Variants in JARID2 observed in about 807,000 individuals in gnomAD.
JARID2 encodes the protein protein Jumonji.
A neutral mutation model predicts 125.6 loss-of-function variants in JARID2; 21 were observed. That is an observed-to-expected ratio of 0.17 (90% CI 0.12 to 0.24). JARID2 has a LOEUF of 0.24. JARID2 is among the 10% of genes least tolerant of loss of function. The pLI, the probability that JARID2 is intolerant of heterozygous loss-of-function variation, is 1.00. For missense variants in JARID2, 1,303 were observed against 1,639.6 expected (o/e 0.79, Z 3.55); for synonymous variants, 736 against 661.6 (o/e 1.11, Z -1.73).
At chr6:15,423,310 A>T (rs1195516189) in intron 3 of JARID2, among the ~76,000 whole-genome samples, 1 of 152,056 alleles carries the variant, frequency 6.6e-6, no homozygotes, top group African/African-American at 2.4e-5. Context: ...CATCCCAGTC[A>T]TCTGTCATTG....
At chr6:15,401,214 A>G (rs1277551441) in intron 2 of JARID2, among the ~76,000 whole-genome samples, 1 of 151,956 alleles carries the variant, frequency 6.6e-6, no homozygotes, top group African/African-American at 2.4e-5. Context: ...CTTAATATTA[A>G]TATTCTTTTA....
At chr6:15,478,957 G>C (rs576107698) in intron 5 of JARID2, among the ~76,000 whole-genome samples, 1 of 152,198 alleles carries the variant, frequency 6.6e-6, no homozygotes, top group East Asian at 1.9e-4. Context: ...GAGCCACCGT[G>C]CCCGGCCGGA....
chr6:15,501,354 A>G lies in JARID2; in HGVS notation c.2393A>G (p.Lys798Arg). 5 of 1,593,394 alleles carry G rather than the reference A, an allele frequency of 3.1e-6. No homozygotes were observed. The highest frequency in any genetic ancestry group is 2.2e-5 in the East Asian group (1 of 44,562). The change falls in exon 8 of 18, where the codon AAG becomes AGG. Residue 798 changes from lysine to arginine, a missense_variant. Physicochemically the swap from Lys to Arg is conservative, Grantham distance 26. Transcript: ENST00000341776. ...TTCGCTCAGGAAAAAGAAGTGGTCAAGGAAGAGGAGGAGGACAAAGGCGTC... is the reference window on the plus strand; with the variant it reads ...TTCGCTCAGGAAAAAGAAGTGGTCAGGGAAGAGGAGGAGGACAAAGGCGTC... ...RLFAQEKEVV[K>R]EEEEDKGVLN...
At chr6:15,428,001 C>T (rs1470512312) in intron 3 of JARID2, among the ~76,000 whole-genome samples, 2 of 151,890 alleles carry the variant, frequency 1.3e-5, no homozygotes, top group African/African-American at 4.8e-5. Flanking sequence ...TTTCTTCTTA[C>T]TACTGTCGCC....
chr6:15,340,622 C>A (rs1763035654), intron 1 of JARID2, among the ~76,000 whole-genome samples: 1 of 152,152 alleles, frequency 6.6e-6, no homozygotes, highest in African/African-American at 2.4e-5. Context: ...GACTTTTATT[C>A]ATTCATTCCT....
At chr6:15,489,854 C>T (rs942046296) in intron 6 of JARID2, among the ~76,000 whole-genome samples, 31 of 152,222 alleles carry the variant, frequency 2.0e-4, no homozygotes, top group Non-Finnish European at 3.8e-4. Context: ...TCTCCTGTCA[C>T]CCTTTCCCCA....
At chr6:15,477,565 T>A (rs1223162408) in intron 5 of JARID2, among the ~76,000 whole-genome samples, 1 of 151,208 alleles carries the variant, frequency 6.6e-6, no homozygotes, top group African/African-American at 2.4e-5. Context: ...TTATACAATG[T>A]ATGTTTCTAA....
intron 1 of JARID2, among the ~76,000 whole-genome samples, chr6:15,270,233 C>T (rs541342980): frequency 2.6e-5 from 4 of 152,252 alleles, no homozygotes; most frequent in South Asian, 2.1e-4. Context: ...CCTGGGTTCA[C>T]GCGATTCTCC....
chr6:15,289,030 A>G (rs1375124711), intron 1 of JARID2, among the ~76,000 whole-genome samples: 1 of 152,148 alleles, frequency 6.6e-6, no homozygotes, highest in African/African-American at 2.4e-5. Context: ...AGGGAGGAGA[A>G]GTGTCACCAC....
chr6:15,426,073 G>A lies in JARID2; in HGVS notation c.323+15708G>A, dbSNP rs563411220. On this transcript the variant is annotated intron_variant, in intron 3 of 17. Transcript: ENST00000341776. ...GTTTCTGTGAACATGGTAGCTGGGT[G>A]CAGTGCAGTTATAGTAATAACATGA... 2.0e-5 allele frequency among the ~76,000 whole-genome samples: 3 copies of A among 152,326 alleles called. No individual in the cohort carries two copies. In the East Asian group the frequency reaches 5.8e-4, roughly 29 times the overall value.
chr6:15,282,665 C>T (rs536501077), intron 1 of JARID2, among the ~76,000 whole-genome samples: 26 of 152,166 alleles, frequency 1.7e-4, no homozygotes, highest in Admixed American at 5.2e-4. Context: ...AGTGCAATGG[C>T]GAGATCTCAG....
chr6:15,391,432 G>A (rs1157176999), intron 2 of JARID2, among the ~76,000 whole-genome samples: 1 of 152,210 alleles, frequency 6.6e-6, no homozygotes. Flanking sequence ...GGCTAGATCT[G>A]TGCCAGCTGG....
At chr6:15,432,605 C>T (rs2127602084) in intron 3 of JARID2, among the ~76,000 whole-genome samples, 1 of 152,288 alleles carries the variant, frequency 6.6e-6, no homozygotes, top group East Asian at 1.9e-4. Context: ...GTGTATGCCC[C>T]ATGTGAATGA....
At chr6:15,422,248 G>A (rs191608333) in intron 3 of JARID2, among the ~76,000 whole-genome samples, 74 of 152,296 alleles carry the variant, frequency 4.9e-4, no homozygotes, top group Admixed American at 1.5e-3. Context: ...CCTTCTGGAC[G>A]AATACTCTTT....
intron 3 of JARID2, among the ~76,000 whole-genome samples, chr6:15,412,669 G>C (rs1278849622): frequency 2.0e-5 from 3 of 152,190 alleles, no homozygotes; most frequent in Admixed American, 6.5e-5. Context: ...AAAGTCTTAA[G>C]AACTCCTTTG....
intron 14 of JARID2, 75 bp from the exon 15 acceptor site, chr6:15,512,840 C>T (rs1479444906): frequency 1.4e-6 from 2 of 1,391,614 alleles, no homozygotes; most frequent in African/African-American, 1.5e-5. Context: ...CCTGCCTGCC[C>T]CCTCCACCAA....
intron 5 of JARID2, among the ~76,000 whole-genome samples, chr6:15,469,984 C>T (rs1278863052): frequency 1.3e-5 from 2 of 151,966 alleles, no homozygotes; most frequent in East Asian, 1.9e-4. Context: ...CAAGACCATC[C>T]TGGCCAACAT....
At chr6:15,381,075 C>T (rs1429340185) in intron 2 of JARID2, among the ~76,000 whole-genome samples, 4 of 151,532 alleles carry the variant, frequency 2.6e-5, no homozygotes, top group Admixed American at 6.6e-5. Context: ...GCTTATGGGC[C>T]GGGCGCGGTG....
chr6:15,429,708 A>G (rs1766889249), intron 3 of JARID2, among the ~76,000 whole-genome samples: 1 of 151,878 alleles, frequency 6.6e-6, no homozygotes, highest in Admixed American at 6.6e-5. Context: ...AACCCATTGG[A>G]TTTGTTTTTT....
Sources: gnomAD v4.1 joint callset for allele counts (sites outside exome capture counted in the v4.1 genomes callset) on GRCh38, gnomAD v4.1.1 for gene constraint, MANE v1.5 for transcripts, NCBI Gene and HGNC (gene_info 2026-07-23, HGNC 2026-07-21) for gene names.